The following GABPB1 variants were observed in gnomAD, a reference collection of about 807,000 sequenced individuals.
GABPB1 encodes the protein GA binding protein transcription factor subunit beta 1.
In GABPB1, 15 loss-of-function variants were observed where a neutral mutation model predicts 45.9. The ratio of observed to expected loss-of-function variants is 0.33; its 90% CI spans 0.22 to 0.50. The LOEUF is 0.50. Ranked by LOEUF, GABPB1 falls within the 20% of genes least tolerant of loss-of-function variation. GABPB1 has a pLI of 0.98. For missense variants in GABPB1, 252 were observed against 457.5 expected (o/e 0.55, Z 4.10); for synonymous variants, 143 against 154.4 (o/e 0.93, Z 0.55).
intron 8 of GABPB1, among the ~76,000 whole-genome samples, chr15:50,285,597 T>C (rs12440811): frequency 0.17 from 25,468 of 152,120 alleles, 2,355 homozygotes; most frequent in East Asian, 0.25. Context: ...TCTAAATTCA[T>C]TTACTTGCCT....
chr15:50,324,826 T>G (rs1180371268), intron 1 of GABPB1, among the ~76,000 whole-genome samples: 1 of 151,958 alleles, frequency 6.6e-6, no homozygotes, highest in East Asian at 1.9e-4. Flanking sequence ...GGATTACAGG[T>G]GTGAGCCACC....
At chr15:50,340,299 G>C (rs1430879026) in intron 1 of GABPB1, among the ~76,000 whole-genome samples, 3 of 152,078 alleles carry the variant, frequency 2.0e-5, no homozygotes, top group East Asian at 3.8e-4. Context: ...TTTTGTTATA[G>C]TACCCCAAAT....
At chr15:50,282,358 A>G (rs960095069) in intron 8 of GABPB1, 2 of 446,690 alleles carry the variant, frequency 4.5e-6, no homozygotes, top group African/African-American at 2.0e-5. Context: ...CAGGAGTCCA[A>G]GACCAGCCTG....
chr15:50,303,923 C>T (rs765506201), intron 3 of GABPB1, 43 bp downstream of exon 3: 22 of 1,463,738 alleles, frequency 1.5e-5, no homozygotes, highest in African/African-American at 2.9e-5. Context: ...CTTATAAAAC[C>T]GTAAAGTATT....
intron 1 of GABPB1, among the ~76,000 whole-genome samples, chr15:50,345,427 C>G (rs1047931552): frequency 6.6e-6 from 1 of 152,046 alleles, no homozygotes; most frequent in Non-Finnish European, 1.5e-5. Flanking sequence ...ATTAGCCAGG[C>G]ATGGTGACAC....
chr15:50,314,389 T>C (rs1224520014), intron 1 of GABPB1: 1 of 152,200 alleles, frequency 6.6e-6, no homozygotes, highest in Admixed American at 6.5e-5. Flanking sequence ...TTCACCGTGT[T>C]AGCCAGGATG....
intron 6 of GABPB1, among the ~76,000 whole-genome samples, chr15:50,297,696 G>A (rs1320879985): frequency 6.6e-6 from 1 of 152,150 alleles, no homozygotes; most frequent in Non-Finnish European, 1.5e-5. Flanking sequence ...TTGGCTGAGA[G>A]TGGTGGCGTG....
intron 1 of GABPB1, among the ~76,000 whole-genome samples, chr15:50,332,877 A>G (rs1595822265): frequency 6.6e-6 from 1 of 152,136 alleles, no homozygotes; most frequent in East Asian, 1.9e-4. Context: ...TGCAATCCAT[A>G]TTCATTTTCA....
chr15:50,324,217 AT>A (rs146662551), intron 1 of GABPB1, among the ~76,000 whole-genome samples: 10,484 of 112,702 alleles, frequency 0.093, 1,025 homozygotes, highest in African/African-American at 0.27. Flanking sequence ...AAAAAAAAAA[AT>A]TTTTTTTAAT....
intron 1 of GABPB1, among the ~76,000 whole-genome samples, chr15:50,325,363 A>G (rs949815366): frequency 3.3e-5 from 5 of 150,706 alleles, no homozygotes; most frequent in African/African-American, 1.2e-4. Context: ...CACCTCTGCC[A>G]CAGATCAGCT....
In GABPB1 at chr15:50,338,094, T is replaced by C. The variant is rs137975174; in HGVS notation, c.-1+16891A>G. 1.4e-3 allele frequency among the ~76,000 whole-genome samples: 212 copies of C among 152,306 alleles called. 3 individuals carry two copies. The highest frequency in any genetic ancestry group is 5.0e-3 in the African/African-American group (206 of 41,580). Reference sequence around the variant, plus strand: ...TCACTCTGTGGCCCAGGATGTAATGTAGTGGTGAGATCTTGGCTCACTGCA... The same window carrying C: ...TCACTCTGTGGCCCAGGATGTAATGCAGTGGTGAGATCTTGGCTCACTGCA... On this transcript the variant is annotated intron_variant, in intron 1 of 8. Coordinates refer to ENST00000380877, the MANE Select transcript of GABPB1 (RefSeq NM_016654.5).
Position 50,336,353 on chromosome 15 carries a change from CA to C in GABPB1, c.-1+18631del, listed in dbSNP as rs1178314012. ...TGGGCAACAGAGCGAGACTCTGTCC[CA>C]AAAAAAAAAAAAAAAAAATTATTTT... On this transcript the variant is annotated intron_variant, in intron 1 of 8. Transcript: ENST00000380877. Among the ~76,000 whole-genome samples, 603 of 115,868 alleles carry C rather than the reference CA, an allele frequency of 5.2e-3. 1 individual carries two copies. The highest frequency in any genetic ancestry group is 0.015 in the African/African-American group (425 of 27,716). 76.0% of individuals were successfully genotyped at this position (115,868 alleles called of 152,430 possible).
chr15:50,283,371 T>C (rs932622328), intron 8 of GABPB1, among the ~76,000 whole-genome samples: 8 of 152,104 alleles, frequency 5.3e-5, no homozygotes, highest in African/African-American at 1.7e-4. Context: ...AAACCTATTT[T>C]ATTTCCTATA....
chr15:50,334,944 A>G (rs932722283), intron 1 of GABPB1, among the ~76,000 whole-genome samples: 25 of 152,092 alleles, frequency 1.6e-4, no homozygotes, highest in African/African-American at 5.8e-4. Context: ...GTTCATGCCT[A>G]TGGTTCCTTG....
chr15:50,351,673 G>C (rs2048834407), intron 1 of GABPB1: 1 of 138,902 alleles, frequency 7.2e-6, no homozygotes, highest in South Asian at 2.3e-4. Flanking sequence ...GGGAGGGAGG[G>C]AGGGAGGGAG....
intron 1 of GABPB1, chr15:50,327,367 A>G (rs76529599): frequency 0.062 from 9,403 of 152,184 alleles, 842 homozygotes; most frequent in African/African-American, 0.2. Context: ...ATTGCCTCAT[A>G]CCTTACACAT....
intron 6 of GABPB1, among the ~76,000 whole-genome samples, chr15:50,299,645 C>A (rs1048570531): frequency 4.6e-5 from 7 of 152,066 alleles, no homozygotes; most frequent in African/African-American, 7.2e-5. Flanking sequence ...GTGATCCACC[C>A]GCCTCAGCCT....
At chr15:50,290,957 T>G (rs570520151) in intron 6 of GABPB1, among the ~76,000 whole-genome samples, 1 of 152,314 alleles carries the variant, frequency 6.6e-6, no homozygotes, top group South Asian at 2.1e-4. Context: ...AAAAGACATG[T>G]AGAAGAATAT....
At chr15:50,350,506 A>G (rs1315639272) in intron 1 of GABPB1, 1 of 151,586 alleles carries the variant, frequency 6.6e-6, no homozygotes, top group East Asian at 1.9e-4. Context: ...AAAGCCCTTC[A>G]TTAAATAGCC....
Sources: gnomAD v4.1 joint callset for allele counts (sites outside exome capture counted in the v4.1 genomes callset) on GRCh38, gnomAD v4.1.1 for gene constraint, MANE v1.5 for transcripts, NCBI Gene and HGNC (gene_info 2026-07-23, HGNC 2026-07-21) for gene names.